ZNF766: variants seen among roughly 807,000 people sequenced by gnomAD.
ZNF766 encodes the protein zinc finger protein 766.
In ZNF766, 13 loss-of-function variants were observed where a neutral mutation model predicts 13.2. The ratio of observed to expected loss-of-function variants is 0.98; its 90% CI spans 0.64 to 1.56. ZNF766 has a LOEUF of 1.56. Ranked by LOEUF, ZNF766 falls within the 40% of genes most tolerant of loss-of-function variation. The probability of loss-of-function intolerance (pLI) is 0.00; values close to 1 mark genes in which losing one functional copy is unlikely to be tolerated. For synonymous variants in ZNF766, 178 were observed against 187.6 expected, an observed-to-expected ratio of 0.95 and a Z score of 0.42; for missense variants, 521 against 552.2, an observed-to-expected ratio of 0.94 and a Z score of 0.57.
chr19:52,285,588 C>T (rs1284275158), intron 3 of ZNF766, among the ~76,000 whole-genome samples: 3 of 152,216 alleles, frequency 2.0e-5, no homozygotes, highest in African/African-American at 7.2e-5. Context: ...GACTGTGGAG[C>T]TTCCAAGCCC....
At chr19:52,281,764 T>G (rs1191991629) in intron 1 of ZNF766, 6 of 486,166 alleles carry the variant, frequency 1.2e-5, no homozygotes, top group South Asian at 9.2e-5. Context: ...TAACCCACAA[T>G]TCTATAGAAG....
rs1166732388 is a variant in ZNF766 at position 52,293,139 on chromosome 19, A to G, written c.*1941A>G. 2 of 150,282 alleles carry G rather than the reference A, an allele frequency of 1.3e-5. No homozygotes were observed. 9.3% of individuals were successfully genotyped at this position (150,282 alleles called of 1,614,324 possible). The stretch of plus-strand genomic sequence containing the variant: ...CTTCATCAATGTCCCTGCAAAGGAC[A>G]TGAACTCATCCTTTTTATGGCTGCA... On this transcript the variant is annotated 3_prime_UTR_variant, in exon 4 of 4. Coordinates refer to ENST00000439461, the MANE Select transcript of ZNF766 (RefSeq NM_001010851.3).
intron 3 of ZNF766, among the ~76,000 whole-genome samples, chr19:52,289,136 G>C (rs565906316): frequency 1.4e-5 from 2 of 147,154 alleles, no homozygotes; most frequent in Admixed American, 1.4e-4. Context: ...GATTACAGGC[G>C]TGAGCCACCG....
Position 52,282,167 on chromosome 19 carries a change from C to T in ZNF766, c.75C>T (p.Cys25=), listed in dbSNP as rs1340056302. ...AIEFSQEEWK[C]LDPVQKALYR... Reference sequence around the variant, plus strand: ...AATTCTCTCAGGAGGAGTGGAAATGCCTGGACCCTGTGCAGAAGGCTTTAT... The same window carrying T: ...AATTCTCTCAGGAGGAGTGGAAATGTCTGGACCCTGTGCAGAAGGCTTTAT... The change falls in exon 2 of 4, where the codon TGC becomes TGT. Residue 25 remains cysteine, a synonymous_variant. Coordinates refer to ENST00000439461, the MANE Select transcript of ZNF766 (RefSeq NM_001010851.3). 6.2e-7 allele frequency: 1 copy of T among 1,606,162 alleles called. No individual in the cohort carries two copies. The highest frequency in any genetic ancestry group is 1.7e-5 in the Admixed American group (1 of 59,740).
In ZNF766 at chr19:52,290,080, G is replaced by A. The variant is rs1982044902; in HGVS notation, c.289G>A (p.Val97Met). 6.2e-7 allele frequency: 1 copy of A among 1,610,886 alleles called. No individual in the cohort carries two copies. Among genetic ancestry groups the A allele is most frequent in the Admixed American group, 1.7e-5 (1 of 59,746 alleles). ...KDINTGRSCA[V>M]RSKAGNKPIT... ...TGCTTTCCTAGGGAGGAGCTGTGCAGTGAGAAGCAAAGCAGGAAACAAGCC... is the reference window on the plus strand; with the variant it reads ...TGCTTTCCTAGGGAGGAGCTGTGCAATGAGAAGCAAAGCAGGAAACAAGCC... The change falls in exon 4 of 4, where the codon GTG (valine) becomes ATG (methionine). Residue 97 changes from valine to methionine, a missense_variant. Coordinates refer to ENST00000439461, the MANE Select transcript of ZNF766 (RefSeq NM_001010851.3).
At chr19:52,270,200 CTG>C (rs1211886988) in intron 1 of ZNF766, among the ~76,000 whole-genome samples, 2 of 152,142 alleles carry the variant, frequency 1.3e-5, no homozygotes, top group African/African-American at 4.8e-5. Flanking sequence ...CCATTGGAAA[CTG>C]TGCTCTTGAG....
intron 1 of ZNF766, among the ~76,000 whole-genome samples, chr19:52,276,401 T>A (rs1448978929): frequency 1.3e-5 from 2 of 152,250 alleles, no homozygotes; most frequent in Non-Finnish European, 2.9e-5. Flanking sequence ...TTGTCTTTTT[T>A]AAATTATTTA....
At chr19:52,279,391 T>A (rs981621147) in intron 1 of ZNF766, among the ~76,000 whole-genome samples, 2 of 152,296 alleles carry the variant, frequency 1.3e-5, no homozygotes, top group Middle Eastern at 3.4e-3. Context: ...TTTAAAATAG[T>A]TTTTTCTAGT....
chr19:52,269,641 C>G lies in ZNF766; in HGVS notation c.18+10C>G. 3 of 1,612,812 alleles carry G rather than the reference C, an allele frequency of 1.9e-6. No homozygotes were observed. Among genetic ancestry groups the G allele is most frequent in the Middle Eastern group, 3.3e-4 (2 of 6,056 alleles). On this transcript the variant is annotated intron_variant, in intron 1 of 3. Coordinates refer to ENST00000439461, the MANE Select transcript of ZNF766 (RefSeq NM_001010851.3). Reference sequence around the variant, plus strand: ...GGCGCAACTGCGGCGCGTGAGTTTTCCTTTGTTTAGATTAAGTGTTCGCTT... The same window carrying G: ...GGCGCAACTGCGGCGCGTGAGTTTTGCTTTGTTTAGATTAAGTGTTCGCTT...
rs1288374175 is a variant in ZNF766, at chr19:52,291,166, A to C, written c.1375A>C (p.Arg459=). 1 of 1,596,444 alleles carries C rather than the reference A, an allele frequency of 6.3e-7. No individual in the cohort carries two copies. Among genetic ancestry groups the C allele is most frequent in the African/African-American group, 1.3e-5 (1 of 74,410 alleles). Residue 459 remains arginine, a synonymous_variant, in exon 4 of 4, where the codon AGA becomes CGA. Transcript: ENST00000439461. ...CAGTTCATGGTTTGTACAGCATCAG[A>C]GAAGTGTTCATGAGAGAGTCCTTAC... ...RHSSWFVQHQ[R]SVHERVLTN
chr19:52,285,713 C>A (rs970214302), intron 3 of ZNF766, among the ~76,000 whole-genome samples: 1 of 152,140 alleles, frequency 6.6e-6, no homozygotes, highest in African/African-American at 2.4e-5. Flanking sequence ...ATTCCTTCCC[C>A]CAGGGTATAC....
chr19:52,292,241 A>AGGACACTGCT lies in ZNF766; in HGVS notation c.*1052_*1053insTGGACACTGC. The AGGACACTGCT allele has an allele frequency of 2.9e-6, 2 of 698,278 alleles. No individual in the cohort carries two copies. Among genetic ancestry groups the AGGACACTGCT allele is most frequent in the Non-Finnish European group, 5.2e-6 (2 of 383,724 alleles). 43.3% of individuals were successfully genotyped at this position (698,278 alleles called of 1,614,324 possible). A position where few individuals can be genotyped will look rare whatever the true frequency, so the allele number is the denominator to read the frequency against. ...TTCTATCCAGTTTCCTGGAGGAATA[A>AGGACACTGCT]GGACACTGCCTTTTCAGATTAAAGA... On this transcript the variant is annotated 3_prime_UTR_variant, in exon 4 of 4. Coordinates refer to ENST00000439461, the MANE Select transcript of ZNF766 (RefSeq NM_001010851.3).
At position 52,290,942 on chromosome 19, in the gene ZNF766, A is replaced by G. The variant is rs770887686; in HGVS notation, c.1151A>G (p.Lys384Arg). The change falls in exon 4 of 4, where the codon AAA (lysine) becomes AGA (arginine). Residue 384 changes from lysine to arginine, a missense_variant. Lys to Arg is a conservative substitution (Grantham distance 26, BLOSUM62 2). Transcript: ENST00000439461. ...AATCATAATGGAGAGAAACCTTATA[A>G]ATGTCATGAATGTGGCAAAGTCTTC... ...QRNHNGEKPYKCHECGKVFTQ... is the reference protein window; with the variant it reads ...QRNHNGEKPYRCHECGKVFTQ... 6.2e-7 allele frequency: 1 copy of G among 1,614,104 alleles called. No homozygotes were observed. The highest frequency in any genetic ancestry group is 8.5e-7 in the Non-Finnish European group (1 of 1,180,020).
chr19:52,283,053 A>G (rs1981611137), intron 2 of ZNF766, among the ~76,000 whole-genome samples: 1 of 152,168 alleles, frequency 6.6e-6, no homozygotes, highest in Non-Finnish European at 1.5e-5. Context: ...TCCTTGAGGA[A>G]TCGCCGCACT....
intron 1 of ZNF766, among the ~76,000 whole-genome samples, chr19:52,281,585 T>G (rs1981523479): frequency 6.6e-6 from 1 of 152,190 alleles, no homozygotes; most frequent in South Asian, 2.1e-4. Flanking sequence ...TAATGTATTA[T>G]GAGGAGGATA....
chr19:52,282,373 T>G, intron 2 of ZNF766, 136 bp downstream of exon 2: 1 of 1,100,132 alleles, frequency 9.1e-7, no homozygotes, highest in Non-Finnish European at 1.3e-6. Flanking sequence ...CGGTGGCTCA[T>G]GCCTGTAATC....
chr19:52,275,998 T>G (rs1395848088), intron 1 of ZNF766, among the ~76,000 whole-genome samples: 1 of 152,168 alleles, frequency 6.6e-6, no homozygotes, highest in East Asian at 1.9e-4. Context: ...ACCTTTTCTA[T>G]ATTTAGATAT....
rs1332590352 is a variant in ZNF766 at position 52,292,194 on chromosome 19, GA to G, written c.*997del. 3.0e-5 allele frequency: 21 copies of G among 702,674 alleles called. No homozygotes were observed. Among genetic ancestry groups the G allele is most frequent in the Admixed American group, 1.0e-4 (5 of 49,958 alleles). The allele number at this position is 702,674 out of a possible 1,614,324, so 43.5% of individuals were successfully genotyped here. Reference sequence around the variant, plus strand: ...AAAGAATCAGTAAGATGACAGGGCTGACTTCATTAGATGAGGAGCGTTTCTA... The same window carrying G: ...AAAGAATCAGTAAGATGACAGGGCTGCTTCATTAGATGAGGAGCGTTTCTA... On this transcript the variant is annotated 3_prime_UTR_variant, in exon 4 of 4. Transcript: ENST00000439461.
At chr19:52,280,309 A>T (rs960573136) in intron 1 of ZNF766, among the ~76,000 whole-genome samples, 8 of 152,116 alleles carry the variant, frequency 5.3e-5, no homozygotes, top group African/African-American at 1.9e-4. Flanking sequence ...GTACTGTGCT[A>T]TGATTACTCA....
Sources: allele counts gnomAD v4.1 joint callset (sites outside exome capture counted in the v4.1 genomes callset), GRCh38; gene constraint gnomAD v4.1.1; transcripts MANE v1.5; gene names NCBI Gene and HGNC (gene_info 2026-07-23, HGNC 2026-07-21).